Variants in DNAJC16 observed in about 807,000 individuals in gnomAD.
DNAJC16 encodes the protein dnaJ homolog subfamily C member 16.
In DNAJC16, 76 loss-of-function variants were observed where a neutral mutation model predicts 92.7. The observed-to-expected ratio is 0.82, with a 90% CI of 0.68 to 0.99. DNAJC16 has a LOEUF of 0.99. DNAJC16 is among the 50% of genes least tolerant of loss of function. The probability of loss-of-function intolerance (pLI) is 0.00; values close to 1 mark genes in which losing one functional copy is unlikely to be tolerated. For missense variants in DNAJC16, 869 were observed against 942.4 expected, an observed-to-expected ratio of 0.92 and a Z score of 1.02; for synonymous variants, 328 against 358.7, an observed-to-expected ratio of 0.91 and a Z score of 0.97.
chr1:15,568,528 A>G lies in DNAJC16; in HGVS notation c.*351A>G. ...GAGAAGCACAGGGCTCCACCCTGCAAGCGGCATCTGGCGGACCCTCATGAG... is the reference window on the plus strand; with the variant it reads ...GAGAAGCACAGGGCTCCACCCTGCAGGCGGCATCTGGCGGACCCTCATGAG... On this transcript the variant is annotated 3_prime_UTR_variant, in exon 15 of 15. Coordinates refer to ENST00000375847, the MANE Select transcript of DNAJC16 (RefSeq NM_015291.4). 1 of 430,122 alleles carries G rather than the reference A, an allele frequency of 2.3e-6. No homozygotes were observed. The highest frequency in any genetic ancestry group is 4.1e-6 in the Non-Finnish European group (1 of 244,616). The allele number at this position is 430,122 out of a possible 1,614,324, so 26.6% of individuals were successfully genotyped here.
intron 7 of DNAJC16, among the ~76,000 whole-genome samples, chr1:15,557,173 C>T (rs1463263004): frequency 2.0e-5 from 3 of 152,294 alleles, no homozygotes; most frequent in Non-Finnish European, 4.4e-5. Flanking sequence ...CCATGTGTTG[C>T]TTTTTCTCTT....
At position 15,564,106 on chromosome 1, in the gene DNAJC16, G is replaced by T. The variant is rs753610223; in HGVS notation, c.1516G>T (p.Ala506Ser). 8 of 1,614,070 alleles carry T rather than the reference G, an allele frequency of 5.0e-6. No homozygotes were observed. The South Asian group carries it at 8.8e-5, about 18-fold the overall frequency. Reference sequence around the variant, plus strand: ...GCTTCCTGACCTGACCGATGAACTTGCCCCTGTGAGCATCGGGGCTGGGAA... The same window carrying T: ...GCTTCCTGACCTGACCGATGAACTTTCCCCTGTGAGCATCGGGGCTGGGAA... ...AVLPDLTDELAPVFLLRWFYS... is the reference protein window; with the variant it reads ...AVLPDLTDELSPVFLLRWFYS... The change falls in exon 10 of 15, where the codon GCC becomes TCC. Residue 506 changes from alanine to serine, a missense_variant. Physicochemically the swap from Ala to Ser is moderately conservative, Grantham distance 99. Transcript: ENST00000375847.
rs1278347176 is a variant in DNAJC16, at chr1:15,570,082, A to G, written c.*1905A>G. The G allele has an allele frequency of 6.6e-6, 1 of 152,648 alleles. No individual in the cohort carries two copies. The highest frequency in any genetic ancestry group is 1.5e-5 in the Non-Finnish European group (1 of 68,038). 9.5% of individuals were successfully genotyped at this position (152,648 alleles called of 1,614,324 possible). A position where few individuals can be genotyped will look rare whatever the true frequency, so the allele number is the denominator to read the frequency against. On this transcript the variant is annotated 3_prime_UTR_variant, in exon 15 of 15. Transcript: ENST00000375847. ...TTCCTGTAGTTTTCATGGAGTCTGT[A>G]GCTTTATTAAAAAATAAATCACTGC...
chr1:15,548,928 C>G (rs865986428), intron 7 of DNAJC16, among the ~76,000 whole-genome samples: 6 of 152,156 alleles, frequency 3.9e-5, no homozygotes, highest in African/African-American at 1.4e-4. Context: ...TTTTTAATTT[C>G]TAAAGAGCTT....
chr1:15,551,603 T>G (rs931351235), intron 7 of DNAJC16, among the ~76,000 whole-genome samples: 4 of 26,996 alleles, frequency 1.5e-4, no homozygotes, highest in African/African-American at 1.1e-3. Context: ...GTGATGTGGT[T>G]TTTTTTTTTT....
chr1:15,567,558 T>C (rs1285810158), intron 14 of DNAJC16, among the ~76,000 whole-genome samples: 1 of 152,178 alleles, frequency 6.6e-6, no homozygotes, highest in African/African-American at 2.4e-5. Context: ...AGAGCAATGT[T>C]AAGTTCCACC....
chr1:15,550,167 C>T (rs1276860666), intron 7 of DNAJC16, among the ~76,000 whole-genome samples: 1 of 152,152 alleles, frequency 6.6e-6, no homozygotes. Flanking sequence ...GAAGGTGCTG[C>T]AAGTCAGGAA....
chr1:15,563,521 C>G (rs1248512030), intron 9 of DNAJC16, among the ~76,000 whole-genome samples: 1 of 144,864 alleles, frequency 6.9e-6, no homozygotes, highest in Non-Finnish European at 1.5e-5. Flanking sequence ...AAGGGCGAAA[C>G]TCTGTCTCAA....
chr1:15,564,385 C>T, intron 11 of DNAJC16, 26 bp downstream of exon 11: 8 of 1,458,234 alleles, frequency 5.5e-6, no homozygotes, highest in Non-Finnish European at 6.7e-6. Context: ...GGCTGAATTT[C>T]TTTTTCTCTG....
intron 7 of DNAJC16, among the ~76,000 whole-genome samples, chr1:15,552,467 C>T (rs911561568): frequency 2.6e-5 from 4 of 151,262 alleles, no homozygotes; most frequent in Non-Finnish European, 5.9e-5. Flanking sequence ...CCAGCCTGGG[C>T]GACAGAGTGG....
At chr1:15,541,677 G>A (rs1307307508) in intron 4 of DNAJC16, among the ~76,000 whole-genome samples, 5 of 152,208 alleles carry the variant, frequency 3.3e-5, no homozygotes, top group African/African-American at 4.8e-5. Flanking sequence ...GAAAATAAGC[G>A]CACAAGAGCA....
intron 5 of DNAJC16, among the ~76,000 whole-genome samples, chr1:15,544,868 G>A (rs1331447303): frequency 6.6e-6 from 1 of 151,514 alleles, no homozygotes; most frequent in African/African-American, 2.4e-5. Flanking sequence ...TAAAATGACA[G>A]TGCCTATTTT....
At chr1:15,557,921 T>A (rs1200799970) in intron 7 of DNAJC16, among the ~76,000 whole-genome samples, 1 of 151,930 alleles carries the variant, frequency 6.6e-6, no homozygotes, top group Non-Finnish European at 1.5e-5. Context: ...TTCCTTTTTT[T>A]TCTTTTATGA....
chr1:15,544,790 A>G (rs1390236848), intron 5 of DNAJC16, among the ~76,000 whole-genome samples: 1 of 152,198 alleles, frequency 6.6e-6, no homozygotes, highest in African/African-American at 2.4e-5. Context: ...TGAAGTACAG[A>G]GACTGAAAGA....
chr1:15,560,593 CAT>C (rs1638668594), intron 8 of DNAJC16, among the ~76,000 whole-genome samples: 1 of 152,120 alleles, frequency 6.6e-6, no homozygotes, highest in South Asian at 2.1e-4. Context: ...GGAAGGAAAA[CAT>C]ATCAATCATG....
At chr1:15,542,122 A>G (rs1710945307) in intron 4 of DNAJC16, 1 of 152,156 alleles carries the variant, frequency 6.6e-6, no homozygotes, top group Admixed American at 6.5e-5. Context: ...TTAATAATTG[A>G]TCACGCCTGT....
chr1:15,545,961 T>C (rs1003739915), intron 5 of DNAJC16, among the ~76,000 whole-genome samples: 5 of 152,226 alleles, frequency 3.3e-5, no homozygotes. Flanking sequence ...AATGAAATTA[T>C]ATAATGTATA....
chr1:15,560,720 T>C (rs1418090800), intron 8 of DNAJC16, among the ~76,000 whole-genome samples: 3 of 152,172 alleles, frequency 2.0e-5, no homozygotes, highest in Admixed American at 6.5e-5. Flanking sequence ...TATCCTGGAC[T>C]GTAAGGATTG....
chr1:15,527,875 TG>T (rs1710556999), intron 1 of DNAJC16, among the ~76,000 whole-genome samples: 1 of 152,160 alleles, frequency 6.6e-6, no homozygotes, highest in Non-Finnish European at 1.5e-5. Context: ...AAGATAAATG[TG>T]TTCCTTGAAA....
Sources: gnomAD v4.1 joint callset for allele counts (sites outside exome capture counted in the v4.1 genomes callset) on GRCh38, gnomAD v4.1.1 for gene constraint, MANE v1.5 for transcripts, NCBI Gene and HGNC (gene_info 2026-07-23, HGNC 2026-07-21) for gene names.